STARD8: variants seen among roughly 807,000 people sequenced by gnomAD.
STARD8 encodes stAR-related lipid transfer protein 8.
Under a neutral mutation model 69.4 loss-of-function variants are expected in STARD8, and 25 were observed. That is an observed-to-expected ratio of 0.36 (90% confidence interval 0.26 to 0.50). The LOEUF is 0.50. Ranked by LOEUF, STARD8 falls within the 20% of genes least tolerant of loss-of-function variation. The pLI is 0.96. For synonymous variants in STARD8, 389 were observed against 374.6 expected, an observed-to-expected ratio of 1.04 and a Z score of -0.45; for missense variants, 921 against 932.5, an observed-to-expected ratio of 0.99 and a Z score of 0.16.
rs920997726 is a variant in STARD8 at position 68,724,495 on chromosome X, G to A, written c.*73G>A. 1.6e-5 allele frequency: 15 copies of A among 944,638 alleles called. No homozygotes were observed. Among genetic ancestry groups the A allele is most frequent in the South Asian group, 4.4e-5 (2 of 45,452 alleles). The allele number at this position is 944,638 out of a possible 1,213,427, so 77.8% of individuals were successfully genotyped here. On this transcript the variant is annotated 3_prime_UTR_variant, in exon 15 of 15. Coordinates refer to ENST00000374599, the MANE Select transcript of STARD8 (RefSeq NM_001142503.3). ...AAGGGAGCGAGGGGGAATAAGAGCAGGGCAGCCCCCTGGGTGCCGCTGTCA... is the reference window on the plus strand; with the variant it reads ...AAGGGAGCGAGGGGGAATAAGAGCAAGGCAGCCCCCTGGGTGCCGCTGTCA...
intron 2 of STARD8, 95 bp from the exon 3 acceptor site, chrX:68,712,819 C>T: frequency 1.3e-6 from 1 of 791,688 alleles, no homozygotes; most frequent in Non-Finnish European, 1.8e-6. Context: ...GACATGTCTG[C>T]CTGCTGGGGT....
intron 8 of STARD8, 122 bp downstream of exon 8, chrX:68,720,545 G>T: frequency 1.1e-5 from 10 of 886,790 alleles, no homozygotes; most frequent in Non-Finnish European, 1.5e-5. Flanking sequence ...CACTTGGGCT[G>T]GTCCACCAGA....
intron 2 of STARD8, among the ~76,000 whole-genome samples, chrX:68,707,471 G>C (rs927244976): frequency 3.6e-5 from 4 of 111,823 alleles, no homozygotes; most frequent in African/African-American, 1.3e-4. Flanking sequence ...TGTTTAGGGC[G>C]GTGGTCTTTA....
At chrX:68,681,444 G>T (rs985558013) in intron 2 of STARD8, among the ~76,000 whole-genome samples, 1 of 112,461 alleles carries the variant, frequency 8.9e-6, no homozygotes, top group African/African-American at 3.2e-5. Flanking sequence ...CTACTGAATG[G>T]CAGAGTCAGG....
chrX:68,701,463 C>T (rs2079965614), intron 2 of STARD8, among the ~76,000 whole-genome samples: 1 of 112,892 alleles, frequency 8.9e-6, no homozygotes, highest in Admixed American at 9.3e-5. Flanking sequence ...CCTTCCCCAC[C>T]TGAGTGCTCA....
Position 68,665,541 on chromosome X carries a change from A to G in STARD8, c.79+9A>G. On this transcript the variant is annotated intron_variant, in intron 2 of 14. Transcript: ENST00000374599. ...GGTGAAGAAGAACGCTGGTAAGTAC[A>G]CGAGGTGGGCATTGCAAGTGGCATA... is the stretch of plus-strand genomic sequence containing the variant. 8.3e-7 allele frequency: 1 copy of G among 1,207,112 alleles called. No homozygotes were observed. The highest frequency in any genetic ancestry group is 1.1e-6 in the Non-Finnish European group (1 of 893,029).
At chrX:68,659,078 T>G (rs2079628573) in intron 1 of STARD8, among the ~76,000 whole-genome samples, 1 of 112,170 alleles carries the variant, frequency 8.9e-6, no homozygotes, top group East Asian at 2.8e-4. Flanking sequence ...CTAACAGCCC[T>G]GGTTCTGCCT....
intron 1 of STARD8, among the ~76,000 whole-genome samples, chrX:68,662,044 G>C (rs1239573526): frequency 1.1e-5 from 1 of 92,177 alleles, no homozygotes; most frequent in Non-Finnish European, 2.1e-5. Context: ...TTTCGCTCTT[G>C]TTGCCCAGGC....
intron 2 of STARD8, among the ~76,000 whole-genome samples, chrX:68,675,767 A>T (rs1001560053): frequency 1.8e-5 from 2 of 111,564 alleles, no homozygotes; most frequent in Non-Finnish European, 3.8e-5. Flanking sequence ...TGGAAGGATC[A>T]GATGTGCCTC....
chrX:68,720,368 T>A lies in STARD8; in HGVS notation c.1994T>A (p.Leu665Gln), dbSNP rs767972830. 1 of 1,206,031 alleles carries A rather than the reference T, an allele frequency of 8.3e-7. No individual in the cohort carries two copies. The highest frequency in any genetic ancestry group is 1.1e-6 in the Non-Finnish European group (1 of 892,416). The change falls in exon 8 of 15, where the codon CTG becomes CAG. Residue 665 changes from leucine (L) to glutamine (Q), a missense_variant. Leu to Gln is a moderately radical substitution (Grantham distance 113). Coordinates refer to ENST00000374599, the MANE Select transcript of STARD8 (RefSeq NM_001142503.3). ...LIHVQRTGQP[L>Q]PQSIQQAMRY... ...CACGTGCAGCGCACGGGCCAGCCACTGCCACAGAGCATTCAGCAAGCCATG... is the reference window on the plus strand; with the variant it reads ...CACGTGCAGCGCACGGGCCAGCCACAGCCACAGAGCATTCAGCAAGCCATG...
intron 2 of STARD8, among the ~76,000 whole-genome samples, chrX:68,668,261 TC>T (rs1294353327): frequency 1.1e-5 from 1 of 87,269 alleles, no homozygotes; most frequent in Non-Finnish European, 2.1e-5. Context: ...TTTCTTTCTT[TC>T]TTTCTTTCTT....
chrX:68,697,809 T>C (rs1315329541), intron 2 of STARD8, among the ~76,000 whole-genome samples: 1 of 112,204 alleles, frequency 8.9e-6, no homozygotes, highest in Non-Finnish European at 1.9e-5. Flanking sequence ...ATTCCCTCAG[T>C]GCAGGCCTCT....
rs1399162487 is a variant in STARD8, at chrX:68,721,734, G to A, written c.2447G>A (p.Ser816Asn). 2 of 1,210,474 alleles carry A rather than the reference G, an allele frequency of 1.7e-6. No individual in the cohort carries two copies. The highest frequency in any genetic ancestry group is 2.2e-6 in the Non-Finnish European group (2 of 894,351). Residue 816 changes from serine (S) to asparagine (N), a missense_variant, in exon 10 of 15, where the codon AGC becomes AAC. Transcript: ENST00000374599. ...CACCTCAATGTCTCTAAGAAGGATA[G>A]CCCCTCTCCCAGGTGAAATGGTGCA... The part of the protein sequence containing the change: ...IFHLNVSKKD[S>N]PSPRIKSKRS...
chrX:68,652,381 A>G (rs950198078), intron 1 of STARD8, among the ~76,000 whole-genome samples: 9 of 111,108 alleles, frequency 8.1e-5, no homozygotes, highest in Non-Finnish European at 1.9e-5. Context: ...GAAGTGATCC[A>G]TTTGGGAGAT....
At position 68,725,427 on chromosome X, in the gene STARD8, C is replaced by T. The variant is rs1329403109; in HGVS notation, c.*1005C>T. 1 of 110,383 alleles carries T rather than the reference C, an allele frequency of 9.1e-6. No homozygotes were observed. Among genetic ancestry groups the T allele is most frequent in the East Asian group, 2.9e-4 (1 of 3,481 alleles). The allele number at this position is 110,383 out of a possible 1,213,427, so 9.1% of individuals were successfully genotyped here. A position where few individuals can be genotyped will look rare whatever the true frequency, so the allele number is the denominator to read the frequency against. ...AGCCATCTTTGCTCACATGGAAATTCAAATGCCATTCAAAGGCCACTGGTG... is the reference window on the plus strand; with the variant it reads ...AGCCATCTTTGCTCACATGGAAATTTAAATGCCATTCAAAGGCCACTGGTG... On this transcript the variant is annotated 3_prime_UTR_variant, in exon 15 of 15. Transcript: ENST00000374599.
At chrX:68,653,425 AC>A (rs2079586786) in intron 1 of STARD8, among the ~76,000 whole-genome samples, 1 of 47,035 alleles carries the variant, frequency 2.1e-5, no homozygotes. Flanking sequence ...CACCACACAC[AC>A]CACACACCAC....
chrX:68,653,199 A>AG (rs1211138939), intron 1 of STARD8, among the ~76,000 whole-genome samples: 2 of 33,816 alleles, frequency 5.9e-5, no homozygotes, highest in Non-Finnish European at 1.0e-4. Context: ...CACACATCAC[A>AG]CACACACCAC....
intron 2 of STARD8, among the ~76,000 whole-genome samples, chrX:68,709,692 A>T (rs1183915823): frequency 9.1e-6 from 1 of 110,244 alleles, no homozygotes; most frequent in African/African-American, 3.3e-5. Flanking sequence ...GGTGTGGTGG[A>T]TGCTATTGTA....
At chrX:68,715,048 C>T (rs1348038320) in intron 3 of STARD8, among the ~76,000 whole-genome samples, 1 of 110,983 alleles carries the variant, frequency 9.0e-6, no homozygotes, top group Non-Finnish European at 1.9e-5. Context: ...GGCCTGCTAT[C>T]TCCCATGGAC....
Sources: gnomAD v4.1 joint callset for allele counts (sites outside exome capture counted in the v4.1 genomes callset) on GRCh38, gnomAD v4.1.1 for gene constraint, MANE v1.5 for transcripts, NCBI Gene and HGNC (gene_info 2026-07-23, HGNC 2026-07-21) for gene names.